The following LONRF1 variants were observed in gnomAD, a reference collection of about 807,000 sequenced individuals.
The protein encoded by LONRF1 is LON peptidase N-terminal domain and RING finger protein 1.
A neutral mutation model predicts 85.8 loss-of-function variants in LONRF1; 37 were observed. That is an observed-to-expected ratio of 0.43 (90% CI 0.33 to 0.57). LONRF1 has a LOEUF of 0.57. LONRF1 is among the 20% of genes least tolerant of loss of function. The pLI is 0.04. For synonymous variants in LONRF1, 517 were observed against 390.1 expected (o/e 1.33, Z -3.83); for missense variants, 1,036 against 978.0 (o/e 1.06, Z -0.79).
chr8:12,753,527 TC>T (rs1799494253), intron 1 of LONRF1: 1 of 152,198 alleles, frequency 6.6e-6, no homozygotes, highest in African/African-American at 2.4e-5. Context: ...TAGTAGGATG[TC>T]TGAGCAGCAC....
intron 1 of LONRF1, among the ~76,000 whole-genome samples, chr8:12,749,865 A>T (rs924319380): frequency 6.6e-6 from 1 of 152,246 alleles, no homozygotes; most frequent in African/African-American, 2.4e-5. Context: ...TGCTGCAATT[A>T]CAAAAGAAAC....
chr8:12,728,556 T>G (rs1450098548), intron 10 of LONRF1, among the ~76,000 whole-genome samples: 1 of 152,330 alleles, frequency 6.6e-6, no homozygotes, highest in East Asian at 1.9e-4. Flanking sequence ...TTTCAAAACT[T>G]AGATGGGTTG....
At chr8:12,729,744 G>A (rs1014006837) in intron 8 of LONRF1, among the ~76,000 whole-genome samples, 2 of 152,102 alleles carry the variant, frequency 1.3e-5, no homozygotes, top group African/African-American at 2.4e-5. Context: ...AAGAAAAAGT[G>A]AACTCCCACA....
Position 12,746,543 on chromosome 8 carries a change from G to C in LONRF1, c.722-3261C>G, listed in dbSNP as rs192684676. On this transcript the variant is annotated intron_variant, in intron 1 of 11. Transcript: ENST00000398246. ...AATTTATGATAACCACTAAGAGCATGATCTGGCTCTTCCACCCACTCACTG... is the reference window on the plus strand; with the variant it reads ...AATTTATGATAACCACTAAGAGCATCATCTGGCTCTTCCACCCACTCACTG... Among the ~76,000 whole-genome samples, 3 of 152,198 alleles carry C rather than the reference G, an allele frequency of 2.0e-5. No homozygotes were observed. The East Asian group carries it at 5.8e-4, about 29-fold the overall frequency.
chr8:12,753,030 G>C (rs1447380713), intron 1 of LONRF1: 1 of 152,200 alleles, frequency 6.6e-6, no homozygotes, highest in Non-Finnish European at 1.5e-5. Context: ...TCACACCATG[G>C]TCAGTTACTA....
intron 7 of LONRF1, among the ~76,000 whole-genome samples, chr8:12,732,129 G>T (rs113767018): frequency 0.017 from 2,613 of 152,296 alleles, 87 homozygotes; most frequent in African/African-American, 0.06. Context: ...TCTATTAGCC[G>T]CAGAGGGCCC....
intron 2 of LONRF1, among the ~76,000 whole-genome samples, chr8:12,742,954 G>C (rs1230117074): frequency 6.6e-6 from 1 of 152,086 alleles, no homozygotes; most frequent in Non-Finnish European, 1.5e-5. Context: ...TCAAACTCCT[G>C]GGCTCAAGCA....
At chr8:12,742,116 T>A (rs939005110) in intron 2 of LONRF1, among the ~76,000 whole-genome samples, 2 of 152,208 alleles carry the variant, frequency 1.3e-5, no homozygotes, top group Non-Finnish European at 2.9e-5. Flanking sequence ...ATCCAAAAGA[T>A]TCCTTTTCAA....
Position 12,723,066 on chromosome 8 carries a change from G to A in LONRF1, c.*30C>T, listed in dbSNP as rs1585214393. The A allele has an allele frequency of 1.3e-6, 2 of 1,565,572 alleles. No homozygotes were observed. Among genetic ancestry groups the A allele is most frequent in the South Asian group, 1.2e-5 (1 of 83,426 alleles). On this transcript the variant is annotated 3_prime_UTR_variant, in exon 12 of 12. Transcript: ENST00000398246. ...TGGCCATCAATGCAGCCAGATTAGGGTCACTTTAAAGGGAGATCCAAAGAG... is the reference window on the plus strand; with the variant it reads ...TGGCCATCAATGCAGCCAGATTAGGATCACTTTAAAGGGAGATCCAAAGAG...
At chr8:12,731,335 G>A (rs551083276) in intron 8 of LONRF1, among the ~76,000 whole-genome samples, 1 of 152,156 alleles carries the variant, frequency 6.6e-6, no homozygotes, top group African/African-American at 2.4e-5. Flanking sequence ...CCCCTTCCGG[G>A]CCTCCATGTG....
chr8:12,755,189 CGCGGCGCA>C lies in LONRF1; in HGVS notation c.224_231del (p.Leu75ArgfsTer37). The C allele has an allele frequency of 7.7e-7, 1 of 1,298,746 alleles. No homozygotes were observed. The highest frequency in any genetic ancestry group is 9.7e-7 in the Non-Finnish European group (1 of 1,030,954). The allele number at this position is 1,298,746 out of a possible 1,614,324, so 80.5% of individuals were successfully genotyped here. The stretch of plus-strand genomic sequence containing the variant: ...AGGCACTCGGGCCTGGCCGGGGCCC[CGCGGCGCA>C]GCGCCGCCGCGAACGCCTCCAGCGC... On this transcript the variant is annotated frameshift_variant, in exon 1 of 12. Coordinates refer to ENST00000398246, the MANE Select transcript of LONRF1 (RefSeq NM_152271.5). LOFTEE classifies it high-confidence loss of function.
intron 3 of LONRF1, among the ~76,000 whole-genome samples, chr8:12,739,717 CAAAT>C (rs1798856882): frequency 6.6e-6 from 1 of 152,080 alleles, no homozygotes; most frequent in South Asian, 2.1e-4. Context: ...AACCAGCAAA[CAAAT>C]AGTTACAGAA....
Position 12,755,414 on chromosome 8 carries a change from A to C in LONRF1, c.7T>G (p.Ser3Ala). Residue 3 changes from serine to alanine, a missense_variant, in exon 1 of 12, where the codon TCT becomes GCT. Physicochemically the swap from Ser to Ala is moderately conservative, Grantham distance 99. Around this residue, in one of 3 missense-constraint regions of LONRF1, gnomAD observed 742 missense variants for 614.4 expected, o/e 1.21. Transcript: ENST00000398246. MSSPAVARTSPGG... is the reference protein window; with the variant it reads MSAPAVARTSPGG... The stretch of plus-strand genomic sequence containing the variant: ...GGGGAGGTCCTCGCCACCGCCGGAG[A>C]GGACATGGCCCGCGGAGGGCTGCGC... 8.7e-7 allele frequency: 1 copy of C among 1,153,802 alleles called. No homozygotes were observed. Among genetic ancestry groups the C allele is most frequent in the Non-Finnish European group, 1.1e-6 (1 of 938,658 alleles). The allele number at this position is 1,153,802 out of a possible 1,614,324, so 71.5% of individuals were successfully genotyped here.
chr8:12,744,943 G>T (rs975670453), intron 1 of LONRF1, among the ~76,000 whole-genome samples: 1 of 151,834 alleles, frequency 6.6e-6, no homozygotes, highest in Non-Finnish European at 1.5e-5. Flanking sequence ...TGACATGCAC[G>T]TTCAGAACTG....
At chr8:12,751,306 T>TGTTTGTTTG (rs1554469319) in intron 1 of LONRF1, among the ~76,000 whole-genome samples, 1 of 104,592 alleles carries the variant, frequency 9.6e-6, no homozygotes, top group Non-Finnish European at 2.2e-5. Flanking sequence ...GTTTTTTTTT[T>TGTTTGTTTG]TTTTTTTTTT....
chr8:12,739,472 C>T (rs1188008533), intron 3 of LONRF1, among the ~76,000 whole-genome samples: 1 of 151,832 alleles, frequency 6.6e-6, no homozygotes, highest in African/African-American at 2.4e-5. Flanking sequence ...CCTCTAGGAG[C>T]AGGGGATGGA....
At position 12,731,379 on chromosome 8, in the gene LONRF1, C is replaced by CCTCA. The variant is rs200740505; in HGVS notation, c.1688+353_1688+356dup. 1.6e-3 allele frequency among the ~76,000 whole-genome samples: 250 copies of CCTCA among 152,224 alleles called. 6 individuals carry two copies. The East Asian group carries it at 0.042, about 26-fold the overall frequency. ...TCCCCTGCTAATCTAGGCTACTGAC[C>CCTCA]CTCAACCTTCCTCTTGCCCTACCAC... On this transcript the variant is annotated intron_variant, in intron 8 of 11. Coordinates refer to ENST00000398246, the MANE Select transcript of LONRF1 (RefSeq NM_152271.5).
In LONRF1 at chr8:12,755,046, G is replaced by A. The variant is rs960854477; in HGVS notation, c.375C>T (p.Gly125=). 1.7e-5 allele frequency: 25 copies of A among 1,487,850 alleles called. No individual in the cohort carries two copies. The African/African-American group carries it at 3.5e-4, about 21-fold the overall frequency. 92.2% of individuals were successfully genotyped at this position (1,487,850 alleles called of 1,614,324 possible). ...GGAGGLLRCL[G]CRGFLSEPVT... Reference sequence around the variant, plus strand: ...CCGGCTCGCTCAGGAAGCCCCGGCAGCCCAGGCATCTGAGGAGCCCGCCGG... The same window carrying A: ...CCGGCTCGCTCAGGAAGCCCCGGCAACCCAGGCATCTGAGGAGCCCGCCGG... The change falls in exon 1 of 12, where the codon GGC becomes GGT. Residue 125 remains glycine (G), a synonymous_variant. Transcript: ENST00000398246.
rs200602426 is a variant in LONRF1 at position 12,731,866 on chromosome 8, C to T, written c.1567-9G>A. 1 of 1,605,094 alleles carries T rather than the reference C, an allele frequency of 6.2e-7. No individual in the cohort carries two copies. The highest frequency in any genetic ancestry group is 2.2e-5 in the East Asian group (1 of 44,782). The stretch of plus-strand genomic sequence containing the variant: ...CTCCTATCTGCTAGATACTAAAAGA[C>T]AATATTATTTTACATTCCAGCAGTG... On this transcript the variant is annotated splice_polypyrimidine_tract_variant and intron_variant, in intron 7 of 11. Transcript: ENST00000398246.
Sources: allele counts gnomAD v4.1 joint callset (sites outside exome capture counted in the v4.1 genomes callset), GRCh38; gene constraint gnomAD v4.1.1; regional missense constraint gnomAD v4.1.1; transcripts MANE v1.5; gene names NCBI Gene and HGNC (gene_info 2026-07-23, HGNC 2026-07-21).